Variants in PDE12 observed in about 807,000 individuals in gnomAD.
PDE12 encodes the protein 2',5'-phosphodiesterase 12.
PDE12 carries 26 observed loss-of-function variants against 45.4 expected under a neutral mutation model. The ratio of observed to expected loss-of-function variants is 0.57; its 90% confidence interval spans 0.42 to 0.79. The LOEUF (loss-of-function observed/expected upper bound fraction) is 0.79. PDE12 is among the 30% of genes least tolerant of loss of function. PDE12 has a pLI of 0.00. For synonymous variants in PDE12, 283 were observed against 323.9 expected (o/e 0.87, Z 1.36); for missense variants, 668 against 790.0 (o/e 0.85, Z 1.85).
the PDE12 span, chr3:57,633,382 T>G: frequency 6.4e-7 from 1 of 1,556,756 alleles, no homozygotes; most frequent in Non-Finnish European, 8.8e-7. Context: ...TGAGAATCTG[T>G]ATTCTAGTGT....
At chr3:57,645,836 A>T in the PDE12 span, 1 of 984,124 alleles carries the variant, frequency 1.0e-6, no homozygotes. Flanking sequence ...CATCTATACA[A>T]ACGGTATACA....
the PDE12 span, among the ~76,000 whole-genome samples, chr3:57,651,689 C>CA: frequency 3.3e-3 from 456 of 137,766 alleles, no homozygotes; most frequent in South Asian, 5.5e-3. Flanking sequence ...ATTTAATTAC[C>CA]AAAAAAAAAA....
chr3:57,613,298 T>C, the PDE12 span, among the ~76,000 whole-genome samples: 6 of 119,372 alleles, frequency 5.0e-5, no homozygotes, highest in African/African-American at 2.0e-4. Flanking sequence ...AAAAAACAAC[T>C]TTTTTTTTTT....
intron 1 of PDE12, among the ~76,000 whole-genome samples, chr3:57,557,897 TGCC>T: frequency 6.6e-6 from 1 of 152,358 alleles, no homozygotes; most frequent in Non-Finnish European, 1.5e-5. Flanking sequence ...TACTGCAGGT[TGCC>T]TTGAACAAGA....
At chr3:57,599,756 CAGAG>C in the PDE12 span, among the ~76,000 whole-genome samples, 1 of 151,564 alleles carries the variant, frequency 6.6e-6, no homozygotes, top group East Asian at 1.9e-4. Flanking sequence ...TAATCAGGGT[CAGAG>C]AGATTAAATA....
At chr3:57,614,523 G>GTTTTTTTTGTTTTGTTTTTTTT in the PDE12 span, among the ~76,000 whole-genome samples, 2 of 132,028 alleles carry the variant, frequency 1.5e-5, 1 homozygote. Flanking sequence ...CCTGTAATCC[G>GTTTTTTTTGTTTTGTTTTTTTT]TTTTTTTTTT....
chr3:57,638,673 CTAAATAAA>C, the PDE12 span, among the ~76,000 whole-genome samples: 1 of 151,492 alleles, frequency 6.6e-6, no homozygotes, highest in Non-Finnish European at 1.5e-5. Context: ...AAATAAATAA[CTAAATAAA>C]TAAATAAATA....
chr3:57,630,958 C>T, the PDE12 span: 6 of 1,613,302 alleles, frequency 3.7e-6, no homozygotes, highest in Non-Finnish European at 4.2e-6. Context: ...GCAAAGGCAT[C>T]AAGCTTGCCA....
downstream of PDE12, among the ~76,000 whole-genome samples, chr3:57,569,207 A>G (rs1255507593): frequency 1.3e-5 from 2 of 152,194 alleles, no homozygotes; most frequent in Non-Finnish European, 2.9e-5. Flanking sequence ...AAAACAGGGA[A>G]AGGCTAGGGG....
the PDE12 span, among the ~76,000 whole-genome samples, chr3:57,629,536 G>A: frequency 7.2e-6 from 1 of 138,648 alleles, no homozygotes; most frequent in Non-Finnish European, 1.5e-5. Flanking sequence ...TTTTGAGACG[G>A]AGTCTCGCTC....
rs1207755555 is a variant in PDE12 at position 57,557,381 on chromosome 3, T to C, written c.1002T>C (p.Leu334=). Residue 334 remains leucine (L), a synonymous_variant, in exon 1 of 3, where the codon CTT becomes CTC. Transcript: ENST00000311180. ...TGGAGCTCGACTACCGCCAGAACCT[T>C]ATCCAGAAGGAACTCACCGGCTACA... is the stretch of plus-strand genomic sequence containing the variant. ...YALELDYRQN[L]IQKELTGYNA... is the part of the protein sequence containing the mutation. The C allele has an allele frequency of 6.2e-7, 1 of 1,613,988 alleles. No individual in the cohort carries two copies. The highest frequency in any genetic ancestry group is 2.2e-5 in the East Asian group (1 of 44,852).
the PDE12 span, chr3:57,596,915 TC>T: frequency 5.7e-6 from 4 of 704,246 alleles, no homozygotes; most frequent in Non-Finnish European, 9.4e-6. Context: ...TCGCTCACCC[TC>T]CGCTCCATTG....
the PDE12 span, among the ~76,000 whole-genome samples, chr3:57,617,797 G>T: frequency 6.6e-6 from 1 of 151,916 alleles, no homozygotes; most frequent in South Asian, 2.1e-4. Flanking sequence ...AGCCTGGGAG[G>T]TCAAGGCTGC....
the PDE12 span, among the ~76,000 whole-genome samples, chr3:57,587,124 GC>G: frequency 6.6e-6 from 1 of 152,026 alleles, no homozygotes; most frequent in African/African-American, 2.4e-5. Context: ...TTTGAGACCA[GC>G]CTGGCCAACA....
the PDE12 span, among the ~76,000 whole-genome samples, chr3:57,638,959 G>A: frequency 9.9e-5 from 15 of 152,050 alleles, no homozygotes; most frequent in Non-Finnish European, 1.5e-4. Flanking sequence ...TTAGCCAGGC[G>A]TGGTGGCGTG....
At chr3:57,607,007 G>T in the PDE12 span, among the ~76,000 whole-genome samples, 1 of 152,176 alleles carries the variant, frequency 6.6e-6, no homozygotes, top group African/African-American at 2.4e-5. Context: ...AGTAGGGGCA[G>T]ACTGACACCC....
Position 57,560,221 on chromosome 3 carries a change from A to T in PDE12, c.*217A>T. 1 of 1,257,968 alleles carries T rather than the reference A, an allele frequency of 7.9e-7. No individual in the cohort carries two copies. Among genetic ancestry groups the T allele is most frequent in the Non-Finnish European group, 1.0e-6 (1 of 1,002,422 alleles). The allele number at this position is 1,257,968 out of a possible 1,614,324, so 77.9% of individuals were successfully genotyped here. A position where few individuals can be genotyped will look rare whatever the true frequency, so the allele number is the denominator to read the frequency against. On this transcript the variant is annotated 3_prime_UTR_variant, in exon 3 of 3. Transcript: ENST00000311180. ...CTCTACAATTGGAGGAGAAACAAAT[A>T]TATTTCTTACTAGCAAAATAGAAAA...
chr3:57,643,432 C>T, the PDE12 span, among the ~76,000 whole-genome samples: 17 of 152,126 alleles, frequency 1.1e-4, no homozygotes, highest in African/African-American at 2.7e-4. Flanking sequence ...CACACACACA[C>T]GCCTGGTTAT....
the PDE12 span, chr3:57,634,822 A>C: frequency 7.2e-7 from 1 of 1,392,272 alleles, no homozygotes; most frequent in Non-Finnish European, 9.6e-7. Flanking sequence ...TACATATTAC[A>C]AAATTGGAAC....
Sources: gnomAD v4.1 joint callset for allele counts (sites outside exome capture counted in the v4.1 genomes callset) on GRCh38, gnomAD v4.1.1 for gene constraint, MANE v1.5 for transcripts, NCBI Gene and HGNC (gene_info 2026-07-23, HGNC 2026-07-21) for gene names.